LOC730098: variants seen among roughly 807,000 people sequenced by gnomAD.
At chr9:34,665,125 C>T in the LOC730098 span, 4 of 610,930 alleles carry the variant, frequency 6.5e-6, no homozygotes, top group Non-Finnish European at 1.2e-5. Flanking sequence ...AGGACCCAGG[C>T]CGCTGGACAG....
chr9:34,664,666 C>A, the LOC730098 span: 1 of 178,572 alleles, frequency 5.6e-6, no homozygotes, highest in Non-Finnish European at 1.2e-5. Context: ...TAGGAATCTC[C>A]CCCTCTTACC....
the LOC730098 span, chr9:34,665,394 CGGGCGGGGCG>C: frequency 7.7e-5 from 33 of 426,688 alleles, no homozygotes; most frequent in Non-Finnish European, 1.2e-4. Context: ...AGGGCAGAGC[CGGGCGGGGCG>C]GGGCGGGGCG....
At chr9:34,665,276 A>G in the LOC730098 span, 1 of 702,058 alleles carries the variant, frequency 1.4e-6, no homozygotes, top group South Asian at 1.5e-5. Context: ...AGTCCCGTCC[A>G]TGCCCGGGGC....
At chr9:34,664,926 G>A in the LOC730098 span, 1 of 474,672 alleles carries the variant, frequency 2.1e-6, no homozygotes, top group African/African-American at 2.0e-5. Flanking sequence ...CACCCTTCCA[G>A]GGAGGGACGC....
chr9:34,665,568 CCGGAGCCGCCT>C, the LOC730098 span: 1 of 700,660 alleles, frequency 1.4e-6, no homozygotes, highest in Non-Finnish European at 2.6e-6. Flanking sequence ...CTCCCCCACC[CCGGAGCCGCCT>C]GGTTCCTCCT....
the LOC730098 span, chr9:34,665,563 C>T: frequency 1.4e-6 from 1 of 700,450 alleles, no homozygotes; most frequent in Non-Finnish European, 2.6e-6. Flanking sequence ...CCACCCTCCC[C>T]CACCCCGGAG....
chr9:34,665,261 G>A, the LOC730098 span: 7 of 701,360 alleles, frequency 1.0e-5, no homozygotes, highest in Non-Finnish European at 2.6e-6. Flanking sequence ...GGTCCTCAGA[G>A]ACTGAGTCCC....
At chr9:34,665,873 A>G in the LOC730098 span, 1 of 591,178 alleles carries the variant, frequency 1.7e-6, no homozygotes, top group Non-Finnish European at 3.0e-6. Flanking sequence ...GAGGCCGGTC[A>G]TCTCCGGGGC....
chr9:34,665,287 G>A, the LOC730098 span: 3 of 702,256 alleles, frequency 4.3e-6, no homozygotes, highest in Non-Finnish European at 7.8e-6. Flanking sequence ...TGCCCGGGGC[G>A]GGTCCGCGGT....
chr9:34,665,062 G>C, the LOC730098 span: 2 of 600,362 alleles, frequency 3.3e-6, no homozygotes, highest in African/African-American at 1.9e-5. Flanking sequence ...GGCTGGCTGG[G>C]CAGCGGCGGT....
chr9:34,666,000 T>G, the LOC730098 span: 1 of 391,132 alleles, frequency 2.6e-6, no homozygotes, highest in South Asian at 2.9e-5. Flanking sequence ...CTGAGAGGGG[T>G]CAGCGCAGCC....
chr9:34,665,280 C>T, the LOC730098 span: 112 of 702,038 alleles, frequency 1.6e-4, no homozygotes, highest in Non-Finnish European at 2.4e-4. Flanking sequence ...CCGTCCATGC[C>T]CGGGGCGGGT....
chr9:34,665,175 C>T, the LOC730098 span: 1 of 639,178 alleles, frequency 1.6e-6, no homozygotes, highest in African/African-American at 1.8e-5. Context: ...GCTTCTGCTC[C>T]CCGGGGTGCG....
the LOC730098 span, chr9:34,665,737 C>T: frequency 1.4e-6 from 1 of 697,906 alleles, no homozygotes; most frequent in Non-Finnish European, 2.6e-6. Flanking sequence ...CCTTCTCCGT[C>T]ATTCTCAGGA....
chr9:34,664,978 G>A, the LOC730098 span: 2 of 548,652 alleles, frequency 3.6e-6, no homozygotes, highest in Non-Finnish European at 6.4e-6. Flanking sequence ...AGGGGCGCTC[G>A]GCTCGAATGG....
At chr9:34,665,924 A>T in the LOC730098 span, 1 of 534,996 alleles carries the variant, frequency 1.9e-6, no homozygotes, top group Non-Finnish European at 3.3e-6. Context: ...TTTGGCGGTC[A>T]TGGGGCTGGG....
the LOC730098 span, chr9:34,665,439 C>G: frequency 1.4e-6 from 1 of 694,370 alleles, no homozygotes; most frequent in Admixed American, 2.0e-5. Context: ...CTACAGACTC[C>G]GCCCCGCGGT....
At chr9:34,664,276 C>G in the LOC730098 span, 1 of 152,284 alleles carries the variant, frequency 6.6e-6, no homozygotes, top group African/African-American at 2.4e-5. Context: ...CATCTCTCCC[C>G]TTTAAGACCA....
At chr9:34,665,503 C>A in the LOC730098 span, 2 of 697,728 alleles carry the variant, frequency 2.9e-6, no homozygotes, top group South Asian at 1.5e-5. Context: ...TCCCTTCGCG[C>A]CCACGCCCCT....
Sources: allele counts gnomAD v4.1 joint callset, GRCh38; gene constraint gnomAD v4.1.1; transcripts MANE v1.5.